The following ZBTB10 variants were observed in gnomAD, a reference collection of about 807,000 sequenced individuals.
The protein encoded by ZBTB10 is zinc finger and BTB domain-containing protein 10.
Under a neutral mutation model 76.4 loss-of-function variants are expected in ZBTB10, and 32 were observed. The observed-to-expected ratio is 0.42, with a 90% CI of 0.32 to 0.56. ZBTB10 has a LOEUF of 0.56. Among genes scored for constraint, ZBTB10 ranks in the 20% least tolerant of loss-of-function variants. The pLI is 0.14. For synonymous variants in ZBTB10, 523 were observed against 432.9 expected, an observed-to-expected ratio of 1.21 and a Z score of -2.58; for missense variants, 1,057 against 1,098.5, an observed-to-expected ratio of 0.96 and a Z score of 0.53.
chr8:80,512,446 C>T (rs182161252), intron 2 of ZBTB10, among the ~76,000 whole-genome samples: 271 of 152,328 alleles, frequency 1.8e-3, no homozygotes, highest in Non-Finnish European at 3.1e-3. Flanking sequence ...TGCTGTGGTT[C>T]ATGCCTGTAA....
rs200695147 is a variant in ZBTB10 at position 80,487,701 on chromosome 8, A to G, written c.891A>G (p.Arg297=). The change falls in exon 1 of 6, where the codon CGA becomes CGG. Residue 297 remains arginine (R), a synonymous_variant. Transcript: ENST00000455036. ...CAGTGGGGCATGATGAGCTTTCGCG[A>G]GGGACCCGCAACTACAAGAAAACCC... is the stretch of plus-strand genomic sequence containing the variant. The part of the protein sequence containing the change: ...LPPVGHDELS[R]GTRNYKKTLL... The G allele has an allele frequency of 6.2e-6, 10 of 1,613,928 alleles. No individual in the cohort carries two copies. The highest frequency in any genetic ancestry group is 8.5e-6 in the Non-Finnish European group (10 of 1,179,860).
At chr8:80,499,468 T>C (rs1399876592) in intron 1 of ZBTB10, 26 bp from the exon 2 acceptor site, 1 of 1,534,042 alleles carries the variant, frequency 6.5e-7, no homozygotes. Flanking sequence ...TAAAGTTTAA[T>C]ATTAATGTTT....
Position 80,513,966 on chromosome 8 carries a change from T to G in ZBTB10, c.1918T>G (p.Leu640Val). 3 of 1,613,658 alleles carry G rather than the reference T, an allele frequency of 1.9e-6. No homozygotes were observed. The highest frequency in any genetic ancestry group is 2.5e-6 in the Non-Finnish European group (3 of 1,179,704). ...PDGDRNVNAN[L>V]LAEAGTSQDG... is the part of the protein sequence containing the mutation. ...TGGTGATAGGAATGTGAATGCAAATTTATTGGCTGAAGCTGGCACTAGTCA... is the reference window on the plus strand; with the variant it reads ...TGGTGATAGGAATGTGAATGCAAATGTATTGGCTGAAGCTGGCACTAGTCA... Residue 640 changes from leucine to valine, a missense_variant, in exon 3 of 6, where the codon TTA becomes GTA. Transcript: ENST00000455036.
At position 80,499,775 on chromosome 8, in the gene ZBTB10, A is replaced by G. The variant is rs756868600; in HGVS notation, c.1254A>G (p.Ser418=). 2.2e-5 allele frequency: 36 copies of G among 1,613,922 alleles called. No individual in the cohort carries two copies. The highest frequency in any genetic ancestry group is 6.7e-5 in the African/African-American group (5 of 74,948). ...HLDIAAVQGF[S]VILDFLYSGN... The stretch of plus-strand genomic sequence containing the variant: ...ATATTGCTGCAGTTCAAGGTTTTTC[A>G]GTCATCTTGGACTTCTTGTATTCTG... Residue 418 remains serine, a synonymous_variant, in exon 2 of 6, where the codon TCA becomes TCG. Coordinates refer to ENST00000455036, the MANE Select transcript of ZBTB10 (RefSeq NM_001105539.3).
Position 80,486,448 on chromosome 8 carries a change from T to C in ZBTB10, c.-363T>C, listed in dbSNP as rs1361190428. On this transcript the variant is annotated 5_prime_UTR_variant, in exon 1 of 6. Transcript: ENST00000455036. ...GCTTTAAAGAGGGGGCAGCGGAGGG[T>C]CTCCCCGCACTCCGCTGCTCAACTT... is the stretch of plus-strand genomic sequence containing the variant. 9.1e-6 allele frequency: 9 copies of C among 984,022 alleles called. No individual in the cohort carries two copies. Among genetic ancestry groups the C allele is most frequent in the Non-Finnish European group, 1.1e-5 (9 of 829,722 alleles). 61.0% of individuals were successfully genotyped at this position (984,022 alleles called of 1,614,324 possible). A position where few individuals can be genotyped will look rare whatever the true frequency, so the allele number is the denominator to read the frequency against.
chr8:80,507,036 G>A (rs1249136720), intron 2 of ZBTB10, among the ~76,000 whole-genome samples: 12 of 152,158 alleles, frequency 7.9e-5, no homozygotes, highest in African/African-American at 2.9e-4. Context: ...GAGGCCGGGT[G>A]CAGTGGCTCG....
intron 2 of ZBTB10, 133 bp from the exon 3 acceptor site, chr8:80,513,777 A>G: frequency 1.4e-6 from 1 of 696,670 alleles, no homozygotes; most frequent in Non-Finnish European, 2.5e-6. Context: ...GCCTTGTAGT[A>G]TTGAACACAG....
At chr8:80,489,302 T>G (rs1815564254) in intron 1 of ZBTB10, among the ~76,000 whole-genome samples, 1 of 152,218 alleles carries the variant, frequency 6.6e-6, no homozygotes, top group African/African-American at 2.4e-5. Flanking sequence ...AAAGTATTTA[T>G]TTTTTGTTCC....
chr8:80,486,097 C>T (rs1815440024), upstream of ZBTB10: 5 of 661,642 alleles, frequency 7.6e-6, no homozygotes, highest in East Asian at 7.6e-5. Context: ...TTTCCCGGTC[C>T]CCTGGCGCCC....
chr8:80,502,838 T>C (rs781183468), intron 2 of ZBTB10, among the ~76,000 whole-genome samples: 36 of 152,174 alleles, frequency 2.4e-4, no homozygotes, highest in South Asian at 6.2e-4. Context: ...TGTAAACAAA[T>C]GAAGGTAGGT....
chr8:80,523,165 T>C lies in ZBTB10; in HGVS notation c.*3637T>C, dbSNP rs1008872411. The C allele has an allele frequency of 2.0e-4, 30 of 151,962 alleles. No homozygotes were observed. The highest frequency in any genetic ancestry group is 1.6e-3 in the Admixed American group (24 of 15,218). The allele number at this position is 151,962 out of a possible 1,614,324, so 9.4% of individuals were successfully genotyped here. ...GCTCAGAGAAATTCAGAAACTTGGC[T>C]AATTTAACACAGCTGTGACAGAGCT... On this transcript the variant is annotated 3_prime_UTR_variant, in exon 6 of 6. Transcript: ENST00000455036.
At chr8:80,498,157 A>T (rs1292654231) in intron 1 of ZBTB10, among the ~76,000 whole-genome samples, 10 of 152,114 alleles carry the variant, frequency 6.6e-5, no homozygotes, top group Non-Finnish European at 1.5e-4. Flanking sequence ...ATGTTTCGTG[A>T]TTGTTTAGGG....
In ZBTB10 at chr8:80,500,302, C is replaced by G; in HGVS notation, c.1781C>G (p.Thr594Arg). 1 of 1,580,198 alleles carries G rather than the reference C, an allele frequency of 6.3e-7. No homozygotes were observed. The highest frequency in any genetic ancestry group is 8.6e-7 in the Non-Finnish European group (1 of 1,162,354). ...FIYNIPPNNETNLEDCSVMQP... is the reference protein window; with the variant it reads ...FIYNIPPNNERNLEDCSVMQP... ...TATAATATTCCACCTAATAATGAAA[C>G]GAATTTAGAAGATTGCTCAGTAATG... The change falls in exon 2 of 6, where the codon ACG (threonine) becomes AGG (arginine). Residue 594 changes from threonine (T) to arginine (R), a missense_variant. Transcript: ENST00000455036.
intron 2 of ZBTB10, among the ~76,000 whole-genome samples, chr8:80,506,833 T>G (rs1251737555): frequency 6.6e-6 from 1 of 152,082 alleles, no homozygotes. Context: ...CTTAGGAGAT[T>G]CCGAGTGTTT....
intron 2 of ZBTB10, among the ~76,000 whole-genome samples, chr8:80,503,498 A>T (rs935501914): frequency 6.6e-6 from 1 of 151,216 alleles, no homozygotes; most frequent in Non-Finnish European, 1.5e-5. Flanking sequence ...AGTGTAATTT[A>T]TTATTTATTT....
At position 80,487,102 on chromosome 8, in the gene ZBTB10, C is replaced by A. The variant is rs1471256422; in HGVS notation, c.292C>A (p.Gln98Lys). The A allele has an allele frequency of 7.9e-6, 12 of 1,519,220 alleles. No individual in the cohort carries two copies. Among genetic ancestry groups the A allele is most frequent in the Non-Finnish European group, 1.1e-5 (12 of 1,139,198 alleles). The allele number at this position is 1,519,220 out of a possible 1,614,324, so 94.1% of individuals were successfully genotyped here. A position where few individuals can be genotyped will look rare whatever the true frequency, so the allele number is the denominator to read the frequency against. The change falls in exon 1 of 6, where the codon CAA (glutamine) becomes AAA (lysine). Residue 98 changes from glutamine to lysine, a missense_variant. Around this residue, in one of 5 missense-constraint regions of ZBTB10, gnomAD observed 556 missense variants for 451.7 expected, o/e 1.23. Coordinates refer to ENST00000455036, the MANE Select transcript of ZBTB10 (RefSeq NM_001105539.3). ...AEEAKELLLP[Q>K]DAGGPTSLGG... ...GGAAGCCAAGGAGTTGCTGCTCCCCCAAGACGCGGGCGGCCCCACCTCGCT... is the reference window on the plus strand; with the variant it reads ...GGAAGCCAAGGAGTTGCTGCTCCCCAAAGACGCGGGCGGCCCCACCTCGCT...
chr8:80,497,189 A>G (rs1385845126), intron 1 of ZBTB10, among the ~76,000 whole-genome samples: 3 of 152,092 alleles, frequency 2.0e-5, no homozygotes, highest in East Asian at 1.9e-4. Context: ...CCTCTTTGCT[A>G]CATGATACGA....
chr8:80,518,706 T>C (rs767866895), intron 4 of ZBTB10, 76 bp from the exon 5 acceptor site: 11 of 1,496,238 alleles, frequency 7.4e-6, no homozygotes, highest in Non-Finnish European at 9.8e-6. Context: ...TTCTCAGAGA[T>C]AGAGATAAGA....
rs591989 is a variant in ZBTB10 at position 80,486,958 on chromosome 8, C to A, written c.148C>A (p.Pro50Thr). Residue 50 changes from proline to threonine, a missense_variant, in exon 1 of 6, where the codon CCA becomes ACA. Pro to Thr is a conservative substitution (Grantham distance 38). This residue lies in a region of ZBTB10 where 556 missense variants were observed against 451.7 expected (regional missense o/e 1.23). Transcript: ENST00000455036. ...GCCCCAGCCGAGACAGCCCCCGCCG[C>A]CAGCGCCGCCCGCGCTTCAGCCGCC... ...PQPQPRQPPP[P>T]APPALQPPNG... 7.0e-4 allele frequency: 1,054 copies of A among 1,512,886 alleles called. 4 individuals are homozygous for A. The highest frequency in any genetic ancestry group is 4.5e-3 in the Middle Eastern group (22 of 4,882). The allele number at this position is 1,512,886 out of a possible 1,614,324, so 93.7% of individuals were successfully genotyped here.
Sources: allele counts gnomAD v4.1 joint callset (sites outside exome capture counted in the v4.1 genomes callset), GRCh38; gene constraint gnomAD v4.1.1; regional missense constraint gnomAD v4.1.1; transcripts MANE v1.5; gene names NCBI Gene and HGNC (gene_info 2026-07-23, HGNC 2026-07-21).